The following ZNF350 variants were observed in gnomAD, a reference collection of about 807,000 sequenced individuals.
ZNF350 encodes zinc finger protein 350.
A neutral mutation model predicts 13.1 loss-of-function variants in ZNF350; 5 were observed. The ratio of observed to expected loss-of-function variants is 0.38; its 90% CI spans 0.20 to 0.80. ZNF350 has a LOEUF of 0.80. ZNF350 is among the 30% of genes least tolerant of loss of function. The pLI, the probability that ZNF350 is intolerant of heterozygous loss-of-function variation, is 0.43. For synonymous variants in ZNF350, 199 were observed against 224.2 expected (o/e 0.89, Z 1.00); for missense variants, 534 against 644.2 (o/e 0.83, Z 1.85).
Position 51,966,195 on chromosome 19 carries a change from A to G in ZNF350, c.258T>C (p.His86=), listed in dbSNP as rs747191532. The change falls in exon 5 of 5, where the codon CAT becomes CAC. Residue 86 remains histidine (H), a synonymous_variant. Coordinates refer to ENST00000243644, the MANE Select transcript of ZNF350 (RefSeq NM_021632.4). Reference sequence around the variant, plus strand: ...TTTCACTCTGCAAGCGCTCCAGCACATGATCAACTTTCCATATGTCTAGAA... The same window carrying G: ...TTTCACTCTGCAAGCGCTCCAGCACGTGATCAACTTTCCATATGTCTAGAA... ...GACSDIWKVD[H]VLERLQSESL... 3.8e-6 allele frequency: 6 copies of G among 1,580,536 alleles called. No homozygotes were observed. The Admixed American group carries it at 5.8e-5, about 15-fold the overall frequency.
chr19:51,971,441 C>T (rs745928187), intron 2 of ZNF350, among the ~76,000 whole-genome samples: 2 of 152,162 alleles, frequency 1.3e-5, no homozygotes, highest in Non-Finnish European at 2.9e-5. Context: ...GCCAAAGGTC[C>T]GTGGGACGTG....
intron 2 of ZNF350, 60 bp downstream of exon 2, chr19:51,974,286 G>A (rs2085825391): frequency 3.8e-6 from 6 of 1,572,892 alleles, no homozygotes; most frequent in Non-Finnish European, 5.2e-6. Context: ...GATGTTTATA[G>A]GCTTCTACAA....
chr19:51,978,806 C>T (rs1484573064), intron 1 of ZNF350, among the ~76,000 whole-genome samples: 1 of 152,146 alleles, frequency 6.6e-6, no homozygotes, highest in African/African-American at 2.4e-5. Flanking sequence ...AATTTTCTGA[C>T]TCCCGGTATG....
chr19:51,966,378 G>A (rs2085573472), intron 4 of ZNF350, among the ~76,000 whole-genome samples, 164 bp from the exon 5 acceptor site: 2 of 149,626 alleles, frequency 1.3e-5, no homozygotes, highest in Admixed American at 1.3e-4. Flanking sequence ...CTGCTTCCCG[G>A]GTTCAAGGGA....
At position 51,980,649 on chromosome 19, in the gene ZNF350, C is replaced by T. The variant is rs117889011; in HGVS notation, c.-171-6118G>A. Reference sequence around the variant, plus strand: ...ATCACATTCATATTTGCGTAACTAACTCAGAATATAACCAAAGTGAGTATC... The same window carrying T: ...ATCACATTCATATTTGCGTAACTAATTCAGAATATAACCAAAGTGAGTATC... On this transcript the variant is annotated intron_variant, in intron 1 of 4. Coordinates refer to ENST00000243644, the MANE Select transcript of ZNF350 (RefSeq NM_021632.4). Among the ~76,000 whole-genome samples, 91 of 152,334 alleles carry T rather than the reference C, an allele frequency of 6.0e-4. 1 individual carries two copies. The East Asian group carries it at 0.016, about 27-fold the overall frequency.
rs955900374 is a variant in ZNF350, at chr19:51,976,552, G to A, written c.-171-2021C>T. ...AAGGCGAAAGGGGACCCTGGGAAGAGTCTGCCGGCAGCAGATATAAGGTCA... is the reference window on the plus strand; with the variant it reads ...AAGGCGAAAGGGGACCCTGGGAAGAATCTGCCGGCAGCAGATATAAGGTCA... On this transcript the variant is annotated intron_variant, in intron 1 of 4. Transcript: ENST00000243644. The surrounding 1 kb of genome is among the most constrained non-coding windows in gnomAD (Gnocchi z 4.5). 1 of 152,334 alleles carries A rather than the reference G, an allele frequency of 6.6e-6. No individual in the cohort carries two copies. Among genetic ancestry groups the A allele is most frequent in the African/African-American group, 2.4e-5 (1 of 41,462 alleles). The allele number at this position is 152,334 out of a possible 1,614,324, so 9.4% of individuals were successfully genotyped here. A position where few individuals can be genotyped will look rare whatever the true frequency, so the allele number is the denominator to read the frequency against.
chr19:51,979,070 T>G (rs2085969373), intron 1 of ZNF350, among the ~76,000 whole-genome samples: 1 of 152,122 alleles, frequency 6.6e-6, no homozygotes, highest in Admixed American at 6.6e-5. Context: ...CAGTCCCTCC[T>G]GTACGAGCTA....
chr19:51,965,145 A>AT lies in ZNF350; in HGVS notation c.1307dup (p.Asn436LysfsTer14). The AT allele has an allele frequency of 6.2e-7, 1 of 1,613,886 alleles. No individual in the cohort carries two copies. Among genetic ancestry groups the AT allele is most frequent in the East Asian group, 2.2e-5 (1 of 44,880 alleles). ...ATGAGCTGTGCCTCTCTGCAGGAGG[A>AT]TTTTCCACCTTGGCTGCCTCTTGTT... On this transcript the variant is annotated frameshift_variant, in exon 5 of 5. Transcript: ENST00000243644. LOFTEE classifies it low-confidence loss of function (END_TRUNC).
At chr19:51,969,204 T>G in intron 2 of ZNF350, 73 bp from the exon 3 acceptor site, 1 of 1,563,920 alleles carries the variant, frequency 6.4e-7, no homozygotes, top group Non-Finnish European at 8.7e-7. Context: ...GTTTTTCTGC[T>G]CATTTCCACT....
intron 2 of ZNF350, chr19:51,974,076 T>C: frequency 3.3e-6 from 1 of 305,682 alleles, no homozygotes; most frequent in Non-Finnish European, 6.1e-6. Context: ...GTCAGAGATA[T>C]TAGATGCAAG....
Position 51,965,182 on chromosome 19 carries a change from T to G in ZNF350, c.1271A>C (p.His424Pro). ...GGCTGCCTCTTGTTTCTCCCTTGTG[T>G]GTATTCTCTTATGCTTAACCAGACA... ...MSCLVKHKRIHTREKQEAAKV... is the reference protein window; with the variant it reads ...MSCLVKHKRIPTREKQEAAKV... Residue 424 changes from histidine (H) to proline (P), a missense_variant, in exon 5 of 5, where the codon CAC becomes CCC. Physicochemically the swap from His to Pro is moderately conservative, Grantham distance 77. Coordinates refer to ENST00000243644, the MANE Select transcript of ZNF350 (RefSeq NM_021632.4). 1 of 1,614,190 alleles carries G rather than the reference T, an allele frequency of 6.2e-7. No individual in the cohort carries two copies. The highest frequency in any genetic ancestry group is 8.5e-7 in the Non-Finnish European group (1 of 1,180,026).
chr19:51,977,209 G>A (rs118041936), intron 1 of ZNF350, among the ~76,000 whole-genome samples: 3,116 of 152,160 alleles, frequency 0.02, 46 homozygotes, highest in Admixed American at 0.024. Flanking sequence ...TCCACAGCAG[G>A]TTATTCATGA....
intron 3 of ZNF350, 90 bp from the exon 4 acceptor site, chr19:51,968,763 G>A (rs1189486060): frequency 6.7e-7 from 1 of 1,483,728 alleles, no homozygotes; most frequent in Non-Finnish European, 9.2e-7. Context: ...AGAAACTTGA[G>A]TTTCTTAAAA....
At chr19:51,973,796 G>A (rs965981248) in intron 2 of ZNF350, 1 of 152,278 alleles carries the variant, frequency 6.6e-6, no homozygotes. Flanking sequence ...ATTAACTTGT[G>A]TTGGTCCCTG....
chr19:51,969,525 G>A (rs1205932667), intron 2 of ZNF350, among the ~76,000 whole-genome samples: 2 of 152,066 alleles, frequency 1.3e-5, no homozygotes, highest in Non-Finnish European at 2.9e-5. Flanking sequence ...ATACTGAGGT[G>A]TCTGATATAA....
At chr19:51,966,270 G>A (rs1287650941) in intron 4 of ZNF350, 56 bp from the exon 5 acceptor site, 1 of 1,477,290 alleles carries the variant, frequency 6.8e-7, no homozygotes, top group Non-Finnish European at 9.0e-7. Context: ...AAAGTTTGTT[G>A]TGGTTTTTTT....
chr19:51,974,367 C>T lies in ZNF350; in HGVS notation c.-7G>A. On this transcript the variant is annotated 5_prime_UTR_variant, in exon 2 of 5. Coordinates refer to ENST00000243644, the MANE Select transcript of ZNF350 (RefSeq NM_021632.4). ...TTACCTGGGCCTGGATCATTTTCTT[C>T]TGTTCTTGGAAGACAGCATTCAACT... The T allele has an allele frequency of 6.2e-7, 1 of 1,613,840 alleles. No individual in the cohort carries two copies. Among genetic ancestry groups the T allele is most frequent in the Non-Finnish European group, 8.5e-7 (1 of 1,179,852 alleles).
At position 51,968,855 on chromosome 19, in the gene ZNF350, G is replaced by C. The variant is rs530597844; in HGVS notation, c.142+150C>G. On this transcript the variant is annotated intron_variant, in intron 3 of 4. Coordinates refer to ENST00000243644, the MANE Select transcript of ZNF350 (RefSeq NM_021632.4). ...CATCAAGGTTTTTCTCTTACAAGAG[G>C]GTAGATTACACCGTCTTGTGTGGGA... 306 of 1,522,070 alleles carry C rather than the reference G, an allele frequency of 2.0e-4. No individual in the cohort carries two copies. The African/African-American group carries it at 3.9e-3, about 20-fold the overall frequency. The allele number at this position is 1,522,070 out of a possible 1,614,324, so 94.3% of individuals were successfully genotyped here.
intron 2 of ZNF350, among the ~76,000 whole-genome samples, chr19:51,971,506 T>C (rs2085736437): frequency 6.6e-6 from 1 of 152,184 alleles, no homozygotes; most frequent in Admixed American, 6.5e-5. Context: ...CTGTTTATCA[T>C]GAATGCAGGA....
Sources: gnomAD v4.1 joint callset for allele counts (sites outside exome capture counted in the v4.1 genomes callset) on GRCh38, gnomAD v4.1.1 for gene constraint, Gnocchi (gnomAD v3.1) non-coding constraint, MANE v1.5 for transcripts, NCBI Gene and HGNC (gene_info 2026-07-23, HGNC 2026-07-21) for gene names.